The following DHRS7B variants were observed in gnomAD, a reference collection of about 807,000 sequenced individuals.
DHRS7B encodes peroxisomal reductase activating PPAR-gamma.
Under a neutral mutation model 26.4 loss-of-function variants are expected in DHRS7B, and 24 were observed. The ratio of observed to expected loss-of-function variants is 0.91; its 90% CI spans 0.66 to 1.28. The LOEUF (loss-of-function observed/expected upper bound fraction) is 1.28, where lower values mean the gene tolerates loss of function less well. Among genes scored for constraint, DHRS7B ranks in the 50% most tolerant of loss-of-function variants. The pLI, the probability that DHRS7B is intolerant of heterozygous loss-of-function variation, is 0.00. For synonymous variants in DHRS7B, 142 were observed against 166.4 expected, an observed-to-expected ratio of 0.85 and a Z score of 1.13; for missense variants, 368 against 419.4, an observed-to-expected ratio of 0.88 and a Z score of 1.07.
intron 1 of DHRS7B, among the ~76,000 whole-genome samples, chr17:21,143,788 G>A (rs896643362): frequency 2.0e-5 from 3 of 152,196 alleles, no homozygotes; most frequent in South Asian, 2.1e-4. Flanking sequence ...CTGACTCTTC[G>A]GGGTAGCAAT....
chr17:21,161,262 G>T (rs1973994603), intron 1 of DHRS7B, among the ~76,000 whole-genome samples: 1 of 152,198 alleles, frequency 6.6e-6, no homozygotes, highest in East Asian at 1.9e-4. Context: ...CACCGGTGAG[G>T]GATGTGGATA....
In DHRS7B at chr17:21,190,942, T is replaced by C. The variant is rs773448781; in HGVS notation, c.773-6T>C. On this transcript the variant is annotated splice_region_variant and splice_polypyrimidine_tract_variant and intron_variant, in intron 6 of 6. Transcript: ENST00000395511. ...TCATGTGTTTCTTTTGTTTTATTTA[T>C]TTTAGTTATGGACACCACCACAGCC... 5 of 1,613,434 alleles carry C rather than the reference T, an allele frequency of 3.1e-6. No individual in the cohort carries two copies. Among genetic ancestry groups the C allele is most frequent in the African/African-American group, 2.7e-5 (2 of 74,822 alleles).
chr17:21,169,418 T>G (rs1014882325), intron 1 of DHRS7B, among the ~76,000 whole-genome samples: 3 of 152,066 alleles, frequency 2.0e-5, no homozygotes, highest in African/African-American at 7.2e-5. Flanking sequence ...TGTGTACAGA[T>G]GAATTCATCC....
intron 1 of DHRS7B, among the ~76,000 whole-genome samples, chr17:21,160,945 A>G (rs1022494730): frequency 6.6e-6 from 1 of 152,236 alleles, no homozygotes; most frequent in African/African-American, 2.4e-5. Flanking sequence ...TTACTAAGTG[A>G]AAGTAGTCAA....
chr17:21,166,095 G>A, intron 1 of DHRS7B: 1 of 958,684 alleles, frequency 1.0e-6, no homozygotes, highest in Non-Finnish European at 1.2e-6. Context: ...CATATTACAG[G>A]GCCCGGGGCT....
chr17:21,190,865 C>A, intron 6 of DHRS7B, 83 bp from the exon 7 acceptor site: 1 of 1,441,280 alleles, frequency 6.9e-7, no homozygotes, highest in Non-Finnish European at 9.6e-7. Context: ...AGCAGGCTGA[C>A]CTGACGACTC....
intron 1 of DHRS7B, among the ~76,000 whole-genome samples, chr17:21,145,563 GAT>G (rs1973625199): frequency 6.6e-6 from 1 of 152,190 alleles, no homozygotes; most frequent in Non-Finnish European, 1.5e-5. Context: ...GATAAGGAGA[GAT>G]AAAGAAATTT....
intron 3 of DHRS7B, among the ~76,000 whole-genome samples, chr17:21,182,057 A>G (rs1974524826): frequency 6.6e-6 from 1 of 152,026 alleles, no homozygotes; most frequent in African/African-American, 2.4e-5. Flanking sequence ...TGAGTATGTT[A>G]TCTGTGGGTT....
At chr17:21,169,937 T>C (rs1362496019) in intron 1 of DHRS7B, among the ~76,000 whole-genome samples, 2 of 151,996 alleles carry the variant, frequency 1.3e-5, no homozygotes, top group Non-Finnish European at 2.9e-5. Context: ...CAAGGCAGGG[T>C]GGTCCTACCC....
intron 1 of DHRS7B, among the ~76,000 whole-genome samples, chr17:21,149,370 C>T (rs1418557396): frequency 1.3e-5 from 2 of 152,140 alleles, no homozygotes; most frequent in African/African-American, 4.8e-5. Context: ...GGGAGTTCTT[C>T]AAACAGAAAG....
intron 1 of DHRS7B, chr17:21,166,339 C>T (rs1017123864): frequency 3.5e-5 from 34 of 985,344 alleles, no homozygotes; most frequent in Non-Finnish European, 4.0e-5. Context: ...ACCCCACAGG[C>T]CACTCTGCCG....
At chr17:21,135,875 A>G (rs573238756) in intron 1 of DHRS7B, among the ~76,000 whole-genome samples, 16 of 152,274 alleles carry the variant, frequency 1.1e-4, no homozygotes, top group Non-Finnish European at 1.5e-4. Flanking sequence ...CTCTTCCACA[A>G]TAGTCCCTGG....
chr17:21,159,564 G>A (rs902953232), intron 1 of DHRS7B, among the ~76,000 whole-genome samples: 2 of 151,706 alleles, frequency 1.3e-5, no homozygotes, highest in Non-Finnish European at 2.9e-5. Context: ...CAATATTTTC[G>A]AAAGACACAT....
chr17:21,162,601 G>A (rs969197730), intron 1 of DHRS7B, among the ~76,000 whole-genome samples: 3 of 152,172 alleles, frequency 2.0e-5, no homozygotes, highest in Non-Finnish European at 4.4e-5. Flanking sequence ...GGAAATCATT[G>A]TGATGTTTTG....
intron 1 of DHRS7B, among the ~76,000 whole-genome samples, chr17:21,150,834 C>T (rs1055053664): frequency 6.6e-6 from 1 of 152,172 alleles, no homozygotes; most frequent in African/African-American, 2.4e-5. Flanking sequence ...ACTCCCCTAT[C>T]TCGAGATTCT....
rs1021897920 is a variant in DHRS7B at position 21,176,766 on chromosome 17, G to T, written c.200-1467G>T. ...TTAAGGTAGGTAGTCTCTTACTACC[G>T]TGTTTGATAGATAAAAAGCATCCTA... On this transcript the variant is annotated intron_variant, in intron 2 of 6. Transcript: ENST00000395511. Among the ~76,000 whole-genome samples the T allele has an allele frequency of 1.1e-4, 17 of 151,854 alleles. No homozygotes were observed. The South Asian group carries it at 3.3e-3, about 30-fold the overall frequency.
In DHRS7B at chr17:21,132,537, A is replaced by AC. The variant is rs1276838760; in HGVS notation, c.20+5546_20+5547insC. ...CAGAGGGAGACCTTGTCTCAAAAAAAAAAAAAAAAAAACAAAAAAAAAACA... is the reference window on the plus strand; with the variant it reads ...CAGAGGGAGACCTTGTCTCAAAAAAACAAAAAAAAAAAACAAAAAAAAAACA... On this transcript the variant is annotated intron_variant, in intron 1 of 6. Coordinates refer to ENST00000395511, the MANE Select transcript of DHRS7B (RefSeq NM_015510.5). 2.6e-4 allele frequency among the ~76,000 whole-genome samples: 38 copies of AC among 148,024 alleles called. No individual in the cohort carries two copies. In the East Asian group the frequency reaches 7.4e-3, roughly 29 times the overall value.
intron 1 of DHRS7B, among the ~76,000 whole-genome samples, chr17:21,131,664 C>A (rs1973233207): frequency 6.6e-6 from 1 of 152,182 alleles, no homozygotes; most frequent in South Asian, 2.1e-4. Context: ...TTTTACCCAG[C>A]CTCTATTCAA....
intron 1 of DHRS7B, among the ~76,000 whole-genome samples, chr17:21,167,590 T>G (rs969462063): frequency 5.3e-5 from 8 of 152,152 alleles, no homozygotes; most frequent in African/African-American, 1.4e-4. Context: ...TGGTTTCTAT[T>G]TGAGGGGCTC....
Sources: allele counts gnomAD v4.1 joint callset (sites outside exome capture counted in the v4.1 genomes callset), GRCh38; gene constraint gnomAD v4.1.1; transcripts MANE v1.5; gene names NCBI Gene and HGNC (gene_info 2026-07-23, HGNC 2026-07-21).